Variants in HOMER1 observed in about 807,000 individuals in gnomAD.
HOMER1 encodes the protein homer protein homolog 1.
Under a neutral mutation model 48.9 loss-of-function variants are expected in HOMER1, and 3 were observed. That is an observed-to-expected ratio of 0.06 (90% CI 0.03 to 0.16). The LOEUF (loss-of-function observed/expected upper bound fraction) is 0.16, where lower values mean the gene tolerates loss of function less well. HOMER1 is among the 10% of genes least tolerant of loss of function. The pLI, the probability that HOMER1 is intolerant of heterozygous loss-of-function variation, is 1.00. For synonymous variants in HOMER1, 134 were observed against 146.4 expected, an observed-to-expected ratio of 0.92 and a Z score of 0.61; for missense variants, 247 against 411.4, an observed-to-expected ratio of 0.60 and a Z score of 3.46.
At chr5:79,406,828 C>T (rs745456548) in intron 5 of HOMER1, among the ~76,000 whole-genome samples, 3 of 152,204 alleles carry the variant, frequency 2.0e-5, no homozygotes, top group Non-Finnish European at 4.4e-5. Flanking sequence ...TCAACTATCA[C>T]AAGGCTGAAT....
intron 1 of HOMER1, among the ~76,000 whole-genome samples, chr5:79,502,078 G>T (rs1022386776): frequency 1.2e-4 from 16 of 138,448 alleles, no homozygotes; most frequent in Non-Finnish European, 1.8e-4. Flanking sequence ...GGAGTTCAGT[G>T]GCGCGATCTT....
chr5:79,477,865 A>C (rs1751828204), intron 1 of HOMER1, among the ~76,000 whole-genome samples: 1 of 149,482 alleles, frequency 6.7e-6, no homozygotes. Flanking sequence ...TTTTTTTTTT[A>C]ATCAATCATT....
At chr5:79,460,683 T>C (rs1040555050) in intron 1 of HOMER1, among the ~76,000 whole-genome samples, 8 of 152,146 alleles carry the variant, frequency 5.3e-5, no homozygotes, top group Non-Finnish European at 1.2e-4. Context: ...CATTTCACAA[T>C]GTCTGGACAC....
chr5:79,446,583 T>C (rs1045928702), intron 4 of HOMER1, among the ~76,000 whole-genome samples: 4 of 152,302 alleles, frequency 2.6e-5, no homozygotes, highest in African/African-American at 9.6e-5. Context: ...CTTGTAGGCA[T>C]TGGCATATAG....
At chr5:79,475,806 A>G (rs79779350) in intron 1 of HOMER1, among the ~76,000 whole-genome samples, 7,376 of 152,248 alleles carry the variant, frequency 0.048, 218 homozygotes, top group African/African-American at 0.077. Flanking sequence ...TATCACTCCA[A>G]TCAAGTACTA....
intron 2 of HOMER1, among the ~76,000 whole-genome samples, chr5:79,455,800 A>G (rs1283198001): frequency 6.6e-6 from 1 of 152,182 alleles, no homozygotes; most frequent in African/African-American, 2.4e-5. Flanking sequence ...CTAGAATCTT[A>G]GAGTCTGATT....
At chr5:79,430,881 GA>G (rs1235865763) in intron 5 of HOMER1, among the ~76,000 whole-genome samples, 1 of 151,736 alleles carries the variant, frequency 6.6e-6, no homozygotes, top group Non-Finnish European at 1.5e-5. Context: ...AGGTTGCAAT[GA>G]GCTGAGATCC....
intron 1 of HOMER1, among the ~76,000 whole-genome samples, chr5:79,472,423 A>C (rs1751647293): frequency 6.6e-6 from 1 of 152,226 alleles, no homozygotes; most frequent in African/African-American, 2.4e-5. Context: ...AGATTTGTGC[A>C]CTTTACTGAA....
chr5:79,466,433 G>A (rs1031247429), intron 1 of HOMER1, among the ~76,000 whole-genome samples: 1 of 151,894 alleles, frequency 6.6e-6, no homozygotes, highest in African/African-American at 2.4e-5. Context: ...GGTAAGTCAA[G>A]GCTGCAGTGA....
intron 5 of HOMER1, among the ~76,000 whole-genome samples, chr5:79,437,185 G>A (rs1327491689): frequency 5.9e-5 from 9 of 152,088 alleles, no homozygotes; most frequent in Non-Finnish European, 1.2e-4. Context: ...AAGTAAACTA[G>A]AAATAGCTTT....
At chr5:79,486,666 T>G (rs1347391060) in intron 1 of HOMER1, among the ~76,000 whole-genome samples, 1 of 152,070 alleles carries the variant, frequency 6.6e-6, no homozygotes, top group Non-Finnish European at 1.5e-5. Context: ...CCAACCCCAG[T>G]CTAGTACAAG....
chr5:79,476,968 T>C (rs1751797715), intron 1 of HOMER1, among the ~76,000 whole-genome samples: 1 of 152,234 alleles, frequency 6.6e-6, no homozygotes, highest in Admixed American at 6.5e-5. Flanking sequence ...TAGGACCCTC[T>C]CTGAAATGGG....
At chr5:79,478,309 G>A (rs6868100) in intron 1 of HOMER1, among the ~76,000 whole-genome samples, 11,929 of 152,180 alleles carry the variant, frequency 0.078, 1,039 homozygotes, top group East Asian at 0.24. Context: ...GAAGGATAAA[G>A]GGGCCTGTAA....
At chr5:79,450,146 A>G (rs1345371964) in intron 3 of HOMER1, among the ~76,000 whole-genome samples, 3 of 152,186 alleles carry the variant, frequency 2.0e-5, no homozygotes, top group African/African-American at 7.2e-5. Context: ...CATATACCAA[A>G]TCATATGTAA....
At chr5:79,418,890 G>C (rs1213602633) in intron 5 of HOMER1, among the ~76,000 whole-genome samples, 2 of 152,162 alleles carry the variant, frequency 1.3e-5, no homozygotes, top group Non-Finnish European at 2.9e-5. Flanking sequence ...GCCACACAGA[G>C]ATCACTGAAA....
intron 5 of HOMER1, among the ~76,000 whole-genome samples, chr5:79,419,864 G>A (rs1217757401): frequency 4.2e-5 from 6 of 143,184 alleles, no homozygotes; most frequent in Admixed American, 2.1e-4. Context: ...ATTTTAACAC[G>A]GAAGTACCTC....
rs1020075646 is a variant in HOMER1 at position 79,375,021 on chromosome 5, C to T, written c.*988G>A. The T allele has an allele frequency of 6.6e-6, 1 of 151,984 alleles. No individual in the cohort carries two copies. The highest frequency in any genetic ancestry group is 1.5e-5 in the Non-Finnish European group (1 of 67,924). The allele number at this position is 151,984 out of a possible 1,614,324, so 9.4% of individuals were successfully genotyped here. On this transcript the variant is annotated 3_prime_UTR_variant, in exon 9 of 9. Coordinates refer to ENST00000334082, the MANE Select transcript of HOMER1 (RefSeq NM_004272.5). Reference sequence around the variant, plus strand: ...GGACCCCCTTTAAAATAGCTATACACCTTAAAATTATCTATAATAAACAGT... The same window carrying T: ...GGACCCCCTTTAAAATAGCTATACATCTTAAAATTATCTATAATAAACAGT...
chr5:79,494,165 CTT>C (rs1366303139), intron 1 of HOMER1, among the ~76,000 whole-genome samples: 2 of 152,182 alleles, frequency 1.3e-5, no homozygotes, highest in Non-Finnish European at 2.9e-5. Flanking sequence ...CTGATCTGCT[CTT>C]TTCTATAAAT....
chr5:79,450,454 C>T (rs1275097341), intron 3 of HOMER1, among the ~76,000 whole-genome samples: 1 of 152,086 alleles, frequency 6.6e-6, no homozygotes, highest in African/African-American at 2.4e-5. Context: ...CCTTTCTGGT[C>T]ACATGGTGAG....
Sources: allele counts gnomAD v4.1 joint callset (sites outside exome capture counted in the v4.1 genomes callset), GRCh38; gene constraint gnomAD v4.1.1; transcripts MANE v1.5; gene names NCBI Gene and HGNC (gene_info 2026-07-23, HGNC 2026-07-21).